Variants in COL19A1 observed in about 807,000 individuals in gnomAD.
COL19A1 encodes collagen type XIX alpha 1 chain, also known as collagen alpha-1(XIX) chain.
COL19A1 carries 159 observed loss-of-function variants against 190.2 expected under a neutral mutation model. The observed-to-expected ratio is 0.84, with a 90% CI of 0.73 to 0.95. COL19A1 has a LOEUF of 0.95. COL19A1 is among the 40% of genes least tolerant of loss of function. The pLI, the probability that COL19A1 is intolerant of heterozygous loss-of-function variation, is 0.00. For synonymous variants in COL19A1, 509 were observed against 458.9 expected (o/e 1.11, Z -1.39); for missense variants, 1,418 against 1,431.9 (o/e 0.99, Z 0.16).
intron 14 of COL19A1, among the ~76,000 whole-genome samples, chr6:70,063,212 A>T (rs1780954818): frequency 6.6e-6 from 1 of 152,170 alleles, no homozygotes; most frequent in South Asian, 2.1e-4. Flanking sequence ...CTATTCCAAA[A>T]TTGACCACAT....
chr6:69,882,693 T>C (rs749998846), intron 2 of COL19A1, among the ~76,000 whole-genome samples: 5 of 152,230 alleles, frequency 3.3e-5, no homozygotes, highest in Non-Finnish European at 7.3e-5. Context: ...TCAGTTTAAG[T>C]GTCCAGATTG....
intron 30 of COL19A1, 88 bp downstream of exon 30, chr6:70,150,133 A>G: frequency 7.6e-7 from 1 of 1,308,370 alleles, no homozygotes; most frequent in South Asian, 1.2e-5. Flanking sequence ...TGTCCAAACT[A>G]ATTAGAATGC....
chr6:70,007,165 G>A (rs543462605), intron 11 of COL19A1, among the ~76,000 whole-genome samples: 1 of 152,134 alleles, frequency 6.6e-6, no homozygotes, highest in Non-Finnish European at 1.5e-5. Context: ...GTTCATTTGA[G>A]TTAATTTTTG....
chr6:69,962,910 T>C (rs747132669), intron 11 of COL19A1, 40 bp downstream of exon 11: 13 of 1,510,458 alleles, frequency 8.6e-6, no homozygotes, highest in Non-Finnish European at 1.2e-5. Flanking sequence ...TAAAAAGAAA[T>C]TGTTCTTGAA....
chr6:70,098,458 C>G (rs1783420490), intron 15 of COL19A1: 1 of 510,232 alleles, frequency 2.0e-6, no homozygotes, highest in African/African-American at 1.9e-5. Flanking sequence ...AGAATCCACG[C>G]CTGAATCTGC....
chr6:70,184,975 T>C, intron 46 of COL19A1, 60 bp downstream of exon 46: 1 of 1,526,562 alleles, frequency 6.6e-7, no homozygotes, highest in South Asian at 1.2e-5. Context: ...GTCCCATCAT[T>C]TGAGTTACAC....
intron 4 of COL19A1, among the ~76,000 whole-genome samples, chr6:69,919,567 GA>G (rs1477646893): frequency 3.3e-5 from 5 of 151,514 alleles, no homozygotes; most frequent in African/African-American, 4.8e-5. Context: ...ATTTTGACCA[GA>G]AAAAAAATTT....
At chr6:69,893,559 T>C (rs1403894879) in intron 2 of COL19A1, among the ~76,000 whole-genome samples, 1 of 152,184 alleles carries the variant, frequency 6.6e-6, no homozygotes, top group East Asian at 1.9e-4. Flanking sequence ...TATTTAACCC[T>C]GTATATTGTG....
At chr6:69,932,900 C>G in intron 7 of COL19A1, 37 bp downstream of exon 7, 2 of 1,357,320 alleles carry the variant, frequency 1.5e-6, no homozygotes. Context: ...GAATGAAGAA[C>G]GCCAATTATC....
chr6:69,909,471 A>G (rs1770765415), intron 4 of COL19A1, among the ~76,000 whole-genome samples: 1 of 152,136 alleles, frequency 6.6e-6, no homozygotes, highest in Non-Finnish European at 1.5e-5. Flanking sequence ...ATGATAAAAA[A>G]ATATCTTGAA....
At chr6:69,997,284 TG>T (rs1482725593) in intron 11 of COL19A1, among the ~76,000 whole-genome samples, 2 of 151,920 alleles carry the variant, frequency 1.3e-5, no homozygotes, top group African/African-American at 4.8e-5. Context: ...AACTAGACAA[TG>T]ATTAGGTTAT....
intron 2 of COL19A1, chr6:69,891,297 G>A (rs1248440264): frequency 1.3e-5 from 2 of 152,906 alleles, no homozygotes; most frequent in Admixed American, 6.5e-5. Flanking sequence ...TAGTTTTAAG[G>A]TTTGGGAAAT....
chr6:70,067,491 CA>C (rs1014195206), intron 14 of COL19A1, among the ~76,000 whole-genome samples: 2 of 152,012 alleles, frequency 1.3e-5, no homozygotes, highest in African/African-American at 4.8e-5. Flanking sequence ...ATCCTGAGTT[CA>C]GCATTTGATG....
At chr6:70,059,551 A>G (rs185072189) in intron 14 of COL19A1, among the ~76,000 whole-genome samples, 2 of 152,316 alleles carry the variant, frequency 1.3e-5, no homozygotes, top group Admixed American at 1.3e-4. Context: ...GTCCAGAGAG[A>G]GCTGTGTGAA....
Position 70,165,971 on chromosome 6 carries a change from C to T in COL19A1, c.2431C>T (p.Pro811Ser). The change falls in exon 37 of 51, where the codon CCA (proline) becomes TCA (serine). Residue 811 changes from proline to serine, a missense_variant. Transcript: ENST00000620364. ...GSDGPPGKPG[P>S]PGPPGIPFNE... The stretch of plus-strand genomic sequence containing the variant: ...CGACGGACCCCCTGGGAAACCCGGA[C>T]CACCTGGACCACCTGTGAGTTGTTC... 6.2e-7 allele frequency: 1 copy of T among 1,613,808 alleles called. No homozygotes were observed.
chr6:69,958,559 T>G (rs1187343334), intron 9 of COL19A1, among the ~76,000 whole-genome samples: 1 of 152,224 alleles, frequency 6.6e-6, no homozygotes, highest in Non-Finnish European at 1.5e-5. Flanking sequence ...GATAGAAATG[T>G]ATTTATTATA....
At chr6:70,116,934 CCAGA>C (rs949998737) in intron 16 of COL19A1, among the ~76,000 whole-genome samples, 1 of 152,102 alleles carries the variant, frequency 6.6e-6, no homozygotes, top group African/African-American at 2.4e-5. Flanking sequence ...AATTTTGAAT[CCAGA>C]AAAAAGCTTC....
chr6:70,142,725 C>CTTT (rs767685809), intron 22 of COL19A1, 42 bp from the exon 23 acceptor site: 2 of 1,458,752 alleles, frequency 1.4e-6, no homozygotes, highest in African/African-American at 3.0e-5. Flanking sequence ...CTTTTTTTTT[C>CTTT]TTTTTTAGCA....
chr6:70,197,354 C>T (rs575011032), intron 48 of COL19A1, among the ~76,000 whole-genome samples: 39 of 151,872 alleles, frequency 2.6e-4, no homozygotes, highest in Non-Finnish European at 4.1e-4. Flanking sequence ...ACCCGGGAGA[C>T]GGAGGTTGCA....
Sources: allele counts gnomAD v4.1 joint callset (sites outside exome capture counted in the v4.1 genomes callset), GRCh38; gene constraint gnomAD v4.1.1; transcripts MANE v1.5; gene names NCBI Gene and HGNC (gene_info 2026-07-23, HGNC 2026-07-21).